TG: variants seen among roughly 807,000 people sequenced by gnomAD.
The protein encoded by TG is thyroid hormones.
A neutral mutation model predicts 324.7 loss-of-function variants in TG; 270 were observed. That is an observed-to-expected ratio of 0.83 (90% CI 0.75 to 0.92). TG has a LOEUF of 0.92. Among genes scored for constraint, TG ranks in the 40% least tolerant of loss-of-function variants. The pLI is 0.00. For missense variants in TG, 3,591 were observed against 3,456.4 expected, an observed-to-expected ratio of 1.04 and a Z score of -0.98; for synonymous variants, 1,401 against 1,327.0, an observed-to-expected ratio of 1.06 and a Z score of -1.21.
At chr8:133,099,747 C>G (rs1432884182) in intron 43 of TG, among the ~76,000 whole-genome samples, 2 of 152,202 alleles carry the variant, frequency 1.3e-5, no homozygotes, top group African/African-American at 2.4e-5. Flanking sequence ...TGACACTGCT[C>G]TCTCATACCC....
At chr8:132,909,967 G>A (rs987252572) in intron 18 of TG, among the ~76,000 whole-genome samples, 22 of 152,144 alleles carry the variant, frequency 1.4e-4, no homozygotes, top group African/African-American at 4.8e-4. Flanking sequence ...GACTTGTTTT[G>A]GAGATTAAAC....
intron 27 of TG, among the ~76,000 whole-genome samples, chr8:132,955,863 C>T (rs756785713): frequency 2.0e-5 from 3 of 152,344 alleles, no homozygotes; most frequent in Admixed American, 6.5e-5. Context: ...ATAAAGACCA[C>T]GTCACACCCA....
intron 41 of TG, chr8:133,050,240 G>T: frequency 3.9e-6 from 2 of 510,156 alleles, no homozygotes; most frequent in South Asian, 2.6e-5. Flanking sequence ...TGCTTTTCAG[G>T]GATTAGCAGC....
intron 40 of TG, 115 bp downstream of exon 40, chr8:133,022,265 C>G: frequency 2.1e-6 from 3 of 1,445,296 alleles, no homozygotes; most frequent in East Asian, 2.3e-5. Flanking sequence ...GCTAGGCACA[C>G]AGTGGAAATT....
intron 5 of TG, among the ~76,000 whole-genome samples, chr8:132,881,623 A>G (rs1814657656): frequency 6.6e-6 from 1 of 152,210 alleles, no homozygotes; most frequent in Non-Finnish European, 1.5e-5. Context: ...GAAAACGGCT[A>G]ATTGTTAGAC....
intron 46 of TG, among the ~76,000 whole-genome samples, chr8:133,132,317 C>T (rs1007630263): frequency 3.9e-5 from 6 of 152,218 alleles, no homozygotes; most frequent in Non-Finnish European, 8.8e-5. Flanking sequence ...GTGCCCACCT[C>T]GGCCCAGTTT....
chr8:133,056,835 A>C (rs1323650128), intron 41 of TG, among the ~76,000 whole-genome samples: 1 of 152,214 alleles, frequency 6.6e-6, no homozygotes, highest in Non-Finnish European at 1.5e-5. Flanking sequence ...GTGCAGGGGC[A>C]GGACTAAAAG....
intron 41 of TG, among the ~76,000 whole-genome samples, chr8:133,065,111 G>A (rs1014013991): frequency 2.6e-5 from 4 of 152,114 alleles, no homozygotes; most frequent in African/African-American, 4.8e-5. Flanking sequence ...AGTGTGGTGC[G>A]GCAAGTGGAG....
chr8:133,069,908 G>A (rs1264028063), intron 41 of TG, among the ~76,000 whole-genome samples: 3 of 149,012 alleles, frequency 2.0e-5, no homozygotes, highest in African/African-American at 5.0e-5. Context: ...GGCTGAGGCA[G>A]GAGAAATGCT....
At chr8:133,128,616 G>A (rs1424769859) in intron 45 of TG, among the ~76,000 whole-genome samples, 1 of 152,154 alleles carries the variant, frequency 6.6e-6, no homozygotes, top group Non-Finnish European at 1.5e-5. Flanking sequence ...CAGTGGAAGT[G>A]GGACTTGCAC....
chr8:133,013,507 A>C, intron 36 of TG, 93 bp from the exon 37 acceptor site: 1 of 1,466,470 alleles, frequency 6.8e-7, no homozygotes, highest in Non-Finnish European at 9.5e-7. Flanking sequence ...GGAAGGGTGG[A>C]TGAGTGGATG....
intron 27 of TG, among the ~76,000 whole-genome samples, chr8:132,955,673 G>A (rs897738626): frequency 6.6e-6 from 1 of 152,220 alleles, no homozygotes; most frequent in African/African-American, 2.4e-5. Context: ...GGGATAAAGA[G>A]TTGATGTATC....
At chr8:132,882,701 C>T in intron 7 of TG, 89 bp downstream of exon 7, 22 of 1,611,982 alleles carry the variant, frequency 1.4e-5, no homozygotes, top group Non-Finnish European at 1.9e-5. Context: ...GTGGCTGCTC[C>T]ACCAAAGTGA....
chr8:133,077,515 C>G (rs1045665041), intron 41 of TG, among the ~76,000 whole-genome samples: 1 of 152,244 alleles, frequency 6.6e-6, no homozygotes, highest in African/African-American at 2.4e-5. Context: ...GAAAGTGTTC[C>G]TCATACTGGG....
chr8:132,874,400 C>A (rs963785973), intron 5 of TG, among the ~76,000 whole-genome samples: 2 of 152,180 alleles, frequency 1.3e-5, no homozygotes, highest in African/African-American at 2.4e-5. Flanking sequence ...TTCTGGTCAT[C>A]CACACTGGCC....
At chr8:133,049,402 A>G (rs181191496) in intron 41 of TG, 2 of 297,122 alleles carry the variant, frequency 6.7e-6, no homozygotes, top group South Asian at 3.1e-5. Context: ...CACATGTATC[A>G]TTACATCTTA....
intron 41 of TG, among the ~76,000 whole-genome samples, chr8:133,081,401 C>G (rs1423026870): frequency 6.6e-6 from 1 of 152,228 alleles, no homozygotes; most frequent in African/African-American, 2.4e-5. Context: ...TGAAAACCAT[C>G]TGGGGGGAGA....
chr8:133,073,523 A>C (rs1289899936), intron 41 of TG, among the ~76,000 whole-genome samples: 6 of 152,128 alleles, frequency 3.9e-5, no homozygotes, highest in Admixed American at 2.0e-4. Context: ...CACCAAGCCC[A>C]GCTAATTTTT....
intron 41 of TG, among the ~76,000 whole-genome samples, chr8:133,064,530 AC>A (rs1842805811): frequency 6.6e-6 from 1 of 152,092 alleles, no homozygotes; most frequent in Non-Finnish European, 1.5e-5. Context: ...ACATCTCCGG[AC>A]TTCAGGACCT....
Sources: allele counts gnomAD v4.1 joint callset (sites outside exome capture counted in the v4.1 genomes callset), GRCh38; gene constraint gnomAD v4.1.1; transcripts MANE v1.5; gene names NCBI Gene and HGNC (gene_info 2026-07-23, HGNC 2026-07-21).